The following CAMK1D variants were observed in gnomAD, a reference collection of about 807,000 sequenced individuals.
CAMK1D encodes the protein calcium/calmodulin dependent protein kinase ID, also known as calcium/calmodulin-dependent protein kinase type 1D.
CAMK1D carries 9 observed loss-of-function variants against 47.7 expected under a neutral mutation model. The ratio of observed to expected loss-of-function variants is 0.19; its 90% CI spans 0.11 to 0.33. The LOEUF (loss-of-function observed/expected upper bound fraction) is 0.33. CAMK1D is among the 10% of genes least tolerant of loss of function. The pLI is 1.00. For missense variants in CAMK1D, 291 were observed against 488.7 expected, an observed-to-expected ratio of 0.60 and a Z score of 3.81; for synonymous variants, 184 against 184.9, an observed-to-expected ratio of 0.99 and a Z score of 0.04.
At chr10:12,465,297 T>A (rs1408481352) in intron 1 of CAMK1D, among the ~76,000 whole-genome samples, 1 of 152,228 alleles carries the variant, frequency 6.6e-6, no homozygotes. Flanking sequence ...TCTCTGATAA[T>A]TCAAAAATTC....
At chr10:12,579,337 G>C (rs4750239) in intron 2 of CAMK1D, among the ~76,000 whole-genome samples, 90,360 of 152,020 alleles carry the variant, frequency 0.59, 26,982 homozygotes, top group Middle Eastern at 0.64. Flanking sequence ...GTTGGGCCCC[G>C]TGGCCTTATC....
chr10:12,408,628 G>A (rs181648307), intron 1 of CAMK1D, among the ~76,000 whole-genome samples: 4 of 152,200 alleles, frequency 2.6e-5, no homozygotes, highest in South Asian at 2.1e-4. Flanking sequence ...GGTGGTGGGG[G>A]TGGTTCAGGT....
intron 8 of CAMK1D, among the ~76,000 whole-genome samples, chr10:12,822,505 G>C (rs1013272759): frequency 1.3e-5 from 2 of 152,216 alleles, no homozygotes; most frequent in African/African-American, 4.8e-5. Context: ...ACGGGCCGTG[G>C]GGTCTGAGAC....
At chr10:12,403,153 C>T (rs1165198005) in intron 1 of CAMK1D, among the ~76,000 whole-genome samples, 1 of 152,132 alleles carries the variant, frequency 6.6e-6, no homozygotes, top group African/African-American at 2.4e-5. Context: ...AGGCAGAAGC[C>T]CTAATGATGC....
At chr10:12,618,815 A>G (rs944426096) in intron 2 of CAMK1D, among the ~76,000 whole-genome samples, 5 of 152,226 alleles carry the variant, frequency 3.3e-5, no homozygotes, top group Admixed American at 1.3e-4. Flanking sequence ...GTTGCAGTTT[A>G]TTTGTCATAT....
chr10:12,601,172 GT>G (rs61512069), intron 2 of CAMK1D, among the ~76,000 whole-genome samples: 84,411 of 144,048 alleles, frequency 0.59, 24,891 homozygotes, highest in Middle Eastern at 0.71. Context: ...TAAAATGATA[GT>G]TTTTTTTTTT....
chr10:12,655,902 G>A (rs1437346848), intron 2 of CAMK1D, among the ~76,000 whole-genome samples: 1 of 152,228 alleles, frequency 6.6e-6, no homozygotes, highest in Non-Finnish European at 1.5e-5. Context: ...TGCACAAGTT[G>A]TCACCAGGCT....
rs60176998 is a variant in CAMK1D at position 12,615,446 on chromosome 10, ATG to A, written c.225-51280_225-51279del. On this transcript the variant is annotated intron_variant, in intron 2 of 10. Coordinates refer to ENST00000619168, the MANE Select transcript of CAMK1D (RefSeq NM_153498.4). ...GGAGTCTGAGTGTGTGAGTGTGTGC[ATG>A]TGTGTGTGTAGGTGTGAGTGTGTGC... Among the ~76,000 whole-genome samples, 527 of 148,316 alleles carry A rather than the reference ATG, an allele frequency of 3.6e-3. 5 individuals are homozygous for A. In the East Asian group the frequency reaches 0.042, roughly 12 times the overall value.
At position 12,833,916 on chromosome 10, in the gene CAMK1D, T is replaced by A. The variant is rs1417192287; in HGVS notation, c.*5029T>A. The A allele has an allele frequency of 8.4e-5, 10 of 119,406 alleles. No individual in the cohort carries two copies. The highest frequency in any genetic ancestry group is 1.2e-4 in the African/African-American group (4 of 32,134). 7.4% of individuals were successfully genotyped at this position (119,406 alleles called of 1,614,324 possible). Reference sequence around the variant, plus strand: ...CCAGACCAAACACTGTTCAGTTTGTTAAAAAAAAAAAAAAAAAAAAAAGAT... The same window carrying A: ...CCAGACCAAACACTGTTCAGTTTGTAAAAAAAAAAAAAAAAAAAAAAAGAT... On this transcript the variant is annotated 3_prime_UTR_variant, in exon 11 of 11. Transcript: ENST00000619168.
At chr10:12,722,019 G>A (rs745855984) in intron 3 of CAMK1D, among the ~76,000 whole-genome samples, 13 of 152,168 alleles carry the variant, frequency 8.5e-5, no homozygotes, top group Middle Eastern at 3.4e-3. Context: ...TTATAAGGGC[G>A]TTAATCCCAT....
intron 1 of CAMK1D, among the ~76,000 whole-genome samples, chr10:12,381,077 T>C (rs1838327277): frequency 6.6e-6 from 1 of 152,200 alleles, no homozygotes. Flanking sequence ...AAGCCTGCCT[T>C]TTCCCTTTAT....
chr10:12,375,251 A>C (rs1838142720), intron 1 of CAMK1D, among the ~76,000 whole-genome samples: 1 of 152,164 alleles, frequency 6.6e-6, no homozygotes, highest in Non-Finnish European at 1.5e-5. Context: ...TCTGTTTTAA[A>C]AATCCCGAGT....
intron 2 of CAMK1D, among the ~76,000 whole-genome samples, chr10:12,621,578 T>C (rs1043932034): frequency 6.6e-6 from 1 of 152,270 alleles, no homozygotes; most frequent in African/African-American, 2.4e-5. Context: ...GATTTATACC[T>C]AAGCATTTTC....
intron 3 of CAMK1D, among the ~76,000 whole-genome samples, chr10:12,714,310 A>C (rs1834038139): frequency 6.6e-6 from 1 of 152,170 alleles, no homozygotes; most frequent in South Asian, 2.1e-4. Flanking sequence ...CAAAACATGC[A>C]CCCCTGTGCA....
At chr10:12,714,767 C>CAT (rs1834059076) in intron 3 of CAMK1D, among the ~76,000 whole-genome samples, 1 of 130,112 alleles carries the variant, frequency 7.7e-6, no homozygotes, top group Non-Finnish European at 1.5e-5. Context: ...AAATTACACA[C>CAT]ACACACACAC....
chr10:12,392,592 A>G (rs1408593791), intron 1 of CAMK1D, among the ~76,000 whole-genome samples: 4 of 152,288 alleles, frequency 2.6e-5, no homozygotes, highest in South Asian at 2.1e-4. Context: ...ATACGTATAC[A>G]CTGTGGAATG....
Position 12,401,039 on chromosome 10 carries a change from ATGTAT to A in CAMK1D, c.92+51131_92+51135del, listed in dbSNP as rs1472480921. On this transcript the variant is annotated intron_variant, in intron 1 of 10. Coordinates refer to ENST00000619168, the MANE Select transcript of CAMK1D (RefSeq NM_153498.4). ...AGATTGTTTTATAATATATAAATAT[ATGTAT>A]TATATATATTATATATATATTTTAT... is the stretch of plus-strand genomic sequence containing the variant. Among the ~76,000 whole-genome samples, 11 of 111,042 alleles carry A rather than the reference ATGTAT, an allele frequency of 9.9e-5. No individual in the cohort carries two copies. In the East Asian group the frequency reaches 1.8e-3, roughly 18 times the overall value. 72.8% of individuals were successfully genotyped at this position (111,042 alleles called of 152,430 possible). A position where few individuals can be genotyped will look rare whatever the true frequency, so the allele number is the denominator to read the frequency against.
At chr10:12,727,554 A>G (rs974838111) in intron 3 of CAMK1D, among the ~76,000 whole-genome samples, 14 of 152,240 alleles carry the variant, frequency 9.2e-5, no homozygotes, top group African/African-American at 3.1e-4. Flanking sequence ...TACACACAAC[A>G]GACAACAGTG....
In CAMK1D at chr10:12,758,492, G is replaced by A. The variant is rs1588893235; in HGVS notation, c.300-2456G>A. On this transcript the variant is annotated intron_variant, in intron 3 of 10. Transcript: ENST00000619168. The stretch of plus-strand genomic sequence containing the variant: ...GTGTTCAGAAAAATAGAGCCCTGGT[G>A]CAGTTTGAAATGTAAGAAGCAGAAT... Among the ~76,000 whole-genome samples, 3 of 152,284 alleles carry A rather than the reference G, an allele frequency of 2.0e-5. No homozygotes were observed. The South Asian group carries it at 6.2e-4, about 32-fold the overall frequency.
Sources: allele counts gnomAD v4.1 joint callset (sites outside exome capture counted in the v4.1 genomes callset), GRCh38; gene constraint gnomAD v4.1.1; transcripts MANE v1.5; gene names NCBI Gene and HGNC (gene_info 2026-07-23, HGNC 2026-07-21).